PARD3B: variants seen among roughly 807,000 people sequenced by gnomAD.
The protein encoded by PARD3B is par-3 family cell polarity regulator beta.
A neutral mutation model predicts 130.2 loss-of-function variants in PARD3B; 103 were observed. The ratio of observed to expected loss-of-function variants is 0.79; its 90% CI spans 0.67 to 0.93. The LOEUF (loss-of-function observed/expected upper bound fraction) is 0.93, where lower values mean the gene tolerates loss of function less well. PARD3B is among the 40% of genes least tolerant of loss of function. PARD3B has a pLI of 0.00. For synonymous variants in PARD3B, 583 were observed against 553.2 expected, an observed-to-expected ratio of 1.05 and a Z score of -0.76; for missense variants, 1,609 against 1,499.2, an observed-to-expected ratio of 1.07 and a Z score of -1.21.
intron 2 of PARD3B, among the ~76,000 whole-genome samples, chr2:204,712,409 G>A (rs1268364198): frequency 6.6e-6 from 1 of 151,930 alleles, no homozygotes; most frequent in African/African-American, 2.4e-5. Context: ...TTAGGAGTTT[G>A]AGACCAGCCT....
At chr2:205,438,489 AC>A (rs997085377) in intron 19 of PARD3B, among the ~76,000 whole-genome samples, 1 of 152,088 alleles carries the variant, frequency 6.6e-6, no homozygotes, top group Admixed American at 6.6e-5. Context: ...ACAGAATCCT[AC>A]CCCCTAACTT....
At chr2:204,721,609 A>G (rs112742475) in intron 2 of PARD3B, among the ~76,000 whole-genome samples, 142 of 152,290 alleles carry the variant, frequency 9.3e-4, no homozygotes, top group African/African-American at 3.1e-3. Flanking sequence ...TCGATGGCAA[A>G]GACAGCATTT....
chr2:205,438,556 A>C (rs900398494), intron 19 of PARD3B, among the ~76,000 whole-genome samples: 1 of 152,202 alleles, frequency 6.6e-6, no homozygotes, highest in Non-Finnish European at 1.5e-5. Context: ...ATCAGGGTGC[A>C]GCAAGCATTC....
chr2:204,995,039 G>T (rs1020036347), intron 3 of PARD3B, among the ~76,000 whole-genome samples: 18 of 151,186 alleles, frequency 1.2e-4, no homozygotes, highest in African/African-American at 3.4e-4. Flanking sequence ...TATCCAACTT[G>T]CCAGTCTGTG....
intron 18 of PARD3B, among the ~76,000 whole-genome samples, chr2:205,380,880 T>TTATAATATATAAAGAATATA (rs1193102346): frequency 8.6e-4 from 11 of 12,832 alleles, no homozygotes; most frequent in Admixed American, 3.3e-3. Flanking sequence ...AAAGAATACA[T>TTATAATATATAAAGAATATA]TATAATATAT....
Position 205,527,708 on chromosome 2 carries a change from C to T in PARD3B, c.3181-25616C>T, listed in dbSNP as rs550700919. 4.0e-4 allele frequency among the ~76,000 whole-genome samples: 61 copies of T among 152,274 alleles called. 1 individual carries two copies. In the South Asian group the frequency reaches 9.8e-3, roughly 24 times the overall value. On this transcript the variant is annotated intron_variant, in intron 21 of 22. Coordinates refer to ENST00000406610, the MANE Select transcript of PARD3B (RefSeq NM_001302769.2). ...TCCCCTGCAGCCTCCTTTCATTCTT[C>T]GTATCCGATGATGCCATTATCATAG...
At chr2:205,435,063 T>A (rs1477899889) in intron 19 of PARD3B, among the ~76,000 whole-genome samples, 2 of 152,056 alleles carry the variant, frequency 1.3e-5, no homozygotes, top group African/African-American at 2.4e-5. Flanking sequence ...TACTGAAAAT[T>A]AAGTTAAATT....
At chr2:204,726,419 G>C (rs1030226250) in intron 2 of PARD3B, among the ~76,000 whole-genome samples, 1 of 152,066 alleles carries the variant, frequency 6.6e-6, no homozygotes, top group Non-Finnish European at 1.5e-5. Flanking sequence ...AAGGCCTTTG[G>C]ACTGAAAAAT....
At chr2:205,219,179 G>A (rs1375761188) in intron 15 of PARD3B, among the ~76,000 whole-genome samples, 1 of 151,928 alleles carries the variant, frequency 6.6e-6, no homozygotes, top group East Asian at 1.9e-4. Flanking sequence ...AACTTTGTTC[G>A]AGATTCTTAA....
intron 2 of PARD3B, among the ~76,000 whole-genome samples, chr2:204,826,351 G>A (rs1051561405): frequency 2.0e-5 from 3 of 152,084 alleles, no homozygotes; most frequent in South Asian, 2.1e-4. Context: ...ACCAATTGCC[G>A]CCATTGTTCT....
At chr2:204,698,142 ATTT>A (rs2037705154) in intron 2 of PARD3B, among the ~76,000 whole-genome samples, 1 of 151,972 alleles carries the variant, frequency 6.6e-6, no homozygotes, top group South Asian at 2.1e-4. Flanking sequence ...ATTGCCTTAC[ATTT>A]ACGCCTGTTT....
At chr2:205,245,066 T>C (rs2039510572) in intron 15 of PARD3B, among the ~76,000 whole-genome samples, 1 of 152,242 alleles carries the variant, frequency 6.6e-6, no homozygotes, top group South Asian at 2.1e-4. Context: ...TTCTCTGCTC[T>C]GCAACCTCTG....
In PARD3B at chr2:204,921,949, C is replaced by T. The variant is rs563492956; in HGVS notation, c.223-43203C>T. Among the ~76,000 whole-genome samples the T allele has an allele frequency of 3.3e-5, 5 of 152,080 alleles. No homozygotes were observed. In the East Asian group the frequency reaches 9.7e-4, roughly 29 times the overall value. On this transcript the variant is annotated intron_variant, in intron 2 of 22. Transcript: ENST00000406610. ...TGTACAACTGTTGGGATGTTGCAGG[C>T]TGGGGGTGTGGCATGGTAAGGAGGG... is the stretch of plus-strand genomic sequence containing the variant.
chr2:205,226,162 C>G (rs952430156), intron 15 of PARD3B, among the ~76,000 whole-genome samples: 1 of 152,216 alleles, frequency 6.6e-6, no homozygotes, highest in Non-Finnish European at 1.5e-5. Flanking sequence ...CTGCCTCAGC[C>G]TCCCGAGTAG....
chr2:204,559,304 G>T (rs1008156709), intron 1 of PARD3B, among the ~76,000 whole-genome samples: 3 of 152,082 alleles, frequency 2.0e-5, no homozygotes, highest in South Asian at 2.1e-4. Flanking sequence ...CTGACAAAGG[G>T]CTAATATCCA....
At chr2:205,413,267 A>G (rs936106745) in intron 19 of PARD3B, among the ~76,000 whole-genome samples, 1 of 152,132 alleles carries the variant, frequency 6.6e-6, no homozygotes, top group African/African-American at 2.4e-5. Flanking sequence ...ATAGATACAC[A>G]TTGTCATTAT....
chr2:205,433,478 G>C (rs953653125), intron 19 of PARD3B, among the ~76,000 whole-genome samples: 6 of 147,602 alleles, frequency 4.1e-5, no homozygotes, highest in Non-Finnish European at 8.9e-5. Context: ...GTTGCAGTGA[G>C]CTGAGATCAC....
chr2:205,219,112 T>C (rs930641325), intron 15 of PARD3B, among the ~76,000 whole-genome samples: 1 of 151,860 alleles, frequency 6.6e-6, no homozygotes, highest in Non-Finnish European at 1.5e-5. Context: ...GTGAGGTCAC[T>C]CTGGACTCTG....
intron 1 of PARD3B, among the ~76,000 whole-genome samples, chr2:204,552,959 G>A (rs979610488): frequency 1.3e-5 from 2 of 152,142 alleles, no homozygotes; most frequent in Non-Finnish European, 2.9e-5. Context: ...AGTCAGCAGT[G>A]TAAACAGACA....
Sources: gnomAD v4.1 joint callset for allele counts (sites outside exome capture counted in the v4.1 genomes callset) on GRCh38, gnomAD v4.1.1 for gene constraint, MANE v1.5 for transcripts, NCBI Gene and HGNC (gene_info 2026-07-23, HGNC 2026-07-21) for gene names.